Variants in RBM33 observed in about 807,000 individuals in gnomAD.
RBM33 encodes the protein RNA binding motif protein 33.
In RBM33, 28 loss-of-function variants were observed where a neutral mutation model predicts 132.6. That is an observed-to-expected ratio of 0.21 (90% confidence interval 0.16 to 0.29). The LOEUF is 0.29. Among genes scored for constraint, RBM33 ranks in the 10% least tolerant of loss-of-function variants. The probability of loss-of-function intolerance (pLI) is 1.00; values close to 1 mark genes in which losing one functional copy is unlikely to be tolerated. For synonymous variants in RBM33, 634 were observed against 593.0 expected (o/e 1.07, Z -1.01); for missense variants, 1,291 against 1,518.5 (o/e 0.85, Z 2.49).
At chr7:155,684,390 A>G (rs564232520) in intron 5 of RBM33, among the ~76,000 whole-genome samples, 4 of 152,166 alleles carry the variant, frequency 2.6e-5, no homozygotes, top group African/African-American at 9.6e-5. Context: ...TCTTCCATCT[A>G]CCCAGAAGAG....
chr7:155,761,014 C>CGTTA (rs1306373354), intron 14 of RBM33, among the ~76,000 whole-genome samples: 1 of 152,164 alleles, frequency 6.6e-6, no homozygotes, highest in African/African-American at 2.4e-5. Flanking sequence ...AGTCATAGAG[C>CGTTA]GTTAGGTGGG....
intron 14 of RBM33, chr7:155,746,473 A>G (rs1235478408): frequency 6.6e-6 from 1 of 152,086 alleles, no homozygotes; most frequent in Non-Finnish European, 1.5e-5. Context: ...CTTGCTTTTC[A>G]TCATTGTCCA....
intron 5 of RBM33, among the ~76,000 whole-genome samples, chr7:155,698,240 G>A (rs1259495645): frequency 7.2e-5 from 11 of 152,078 alleles, no homozygotes; most frequent in Admixed American, 5.2e-4. Context: ...GGTGGTGGAC[G>A]CCTGTGATCT....
At chr7:155,753,864 A>G (rs1418905608) in intron 14 of RBM33, among the ~76,000 whole-genome samples, 2 of 152,246 alleles carry the variant, frequency 1.3e-5, no homozygotes, top group South Asian at 2.1e-4. Context: ...AAAATGGCCA[A>G]CAGGCAAATA....
intron 8 of RBM33, among the ~76,000 whole-genome samples, chr7:155,717,918 G>C (rs962446691): frequency 6.6e-6 from 1 of 152,134 alleles, no homozygotes; most frequent in African/African-American, 2.4e-5. Flanking sequence ...CAATTCCTGG[G>C]ATGTGCTGTT....
intron 2 of RBM33, 99 bp from the exon 3 acceptor site, chr7:155,672,768 T>C: frequency 1.7e-6 from 1 of 593,570 alleles, no homozygotes. Flanking sequence ...AAAAAAAAGG[T>C]ACCTGAGCTG....
intron 9 of RBM33, among the ~76,000 whole-genome samples, chr7:155,726,912 T>G (rs965390574): frequency 7.2e-5 from 11 of 152,216 alleles, no homozygotes; most frequent in African/African-American, 2.7e-4. Flanking sequence ...TTTAGTTAAT[T>G]CACTTTTAAC....
At chr7:155,677,386 TTTTA>T (rs1799215388) in intron 3 of RBM33, among the ~76,000 whole-genome samples, 1 of 152,124 alleles carries the variant, frequency 6.6e-6, no homozygotes, top group Non-Finnish European at 1.5e-5. Flanking sequence ...TTTTTTGTAC[TTTTA>T]GTAGAGTCAG....
intron 9 of RBM33, among the ~76,000 whole-genome samples, chr7:155,727,200 A>G (rs1295071089): frequency 6.6e-6 from 1 of 152,194 alleles, no homozygotes; most frequent in African/African-American, 2.4e-5. Flanking sequence ...TCTGTATTCC[A>G]GGCCGAAAGG....
intron 16 of RBM33, among the ~76,000 whole-genome samples, chr7:155,770,990 C>T (rs943814853): frequency 1.3e-5 from 2 of 152,254 alleles, no homozygotes; most frequent in Non-Finnish European, 1.5e-5. Flanking sequence ...GTGAGATTTC[C>T]TCAGAAGTTG....
At chr7:155,711,588 G>A (rs923551546) in intron 8 of RBM33, 133 bp downstream of exon 8, 11 of 541,982 alleles carry the variant, frequency 2.0e-5, no homozygotes, top group Non-Finnish European at 3.0e-5. Flanking sequence ...AGAAATCATC[G>A]TTCGAATGTT....
intron 3 of RBM33, among the ~76,000 whole-genome samples, chr7:155,674,556 C>T (rs532132740): frequency 1.3e-5 from 2 of 152,280 alleles, no homozygotes; most frequent in African/African-American, 4.8e-5. Flanking sequence ...TTCCAGAAAG[C>T]TGTGATAATT....
In RBM33 at chr7:155,738,142, T is replaced by G. The variant is rs1275138582; in HGVS notation, c.1476T>G (p.Leu492=). 1.2e-6 allele frequency: 2 copies of G among 1,613,838 alleles called. No homozygotes were observed. The highest frequency in any genetic ancestry group is 1.3e-5 in the African/African-American group (1 of 74,902). ...CACCACCACCGCCTCCTACCCTTCT[T>G]AACAGTAGCCATCCTGTTCCTACTC... is the stretch of plus-strand genomic sequence containing the variant. ...PPPPPPPPTL[L]NSSHPVPTQS... Residue 492 remains leucine (L), a synonymous_variant, in exon 11 of 18, where the codon CTT becomes CTG. Coordinates refer to ENST00000401878, the MANE Select transcript of RBM33 (RefSeq NM_053043.3).
intron 8 of RBM33, among the ~76,000 whole-genome samples, chr7:155,714,057 A>G (rs1207401344): frequency 6.6e-6 from 1 of 152,104 alleles, no homozygotes; most frequent in African/African-American, 2.4e-5. Context: ...GCTTTGGAGC[A>G]TCCGTTCGTG....
chr7:155,764,690 A>C (rs1802154370), intron 15 of RBM33, among the ~76,000 whole-genome samples: 1 of 152,218 alleles, frequency 6.6e-6, no homozygotes, highest in Non-Finnish European at 1.5e-5. Context: ...TTGAGAGTGA[A>C]GTGCCCTCTT....
At chr7:155,732,307 C>T (rs970007076) in intron 9 of RBM33, among the ~76,000 whole-genome samples, 7 of 152,276 alleles carry the variant, frequency 4.6e-5, no homozygotes, top group Non-Finnish European at 8.8e-5. Flanking sequence ...TGCTGATTTC[C>T]GGCTGTTAAT....
At chr7:155,698,119 A>C (rs1166455242) in intron 5 of RBM33, among the ~76,000 whole-genome samples, 1 of 152,196 alleles carries the variant, frequency 6.6e-6, no homozygotes, top group African/African-American at 2.4e-5. Flanking sequence ...CTGTAATCCC[A>C]GCACTCTGGG....
rs1453096735 is a variant in RBM33 at position 155,744,994 on chromosome 7, C to T, written c.2371C>T (p.Arg791Cys). Residue 791 changes from arginine (R) to cysteine (C), a missense_variant, in exon 14 of 18, where the codon CGC becomes TGC. Arg to Cys is a radical substitution (Grantham distance 180). Around this residue, in one of 7 missense-constraint regions of RBM33, gnomAD observed 841 missense variants for 912.0 expected, o/e 0.92. Coordinates refer to ENST00000401878, the MANE Select transcript of RBM33 (RefSeq NM_053043.3). ...TGAAGATGAGGAAACAAGGTTATAT[C>T]GCTTAAAGATAGAAGAACAGAAACG... Reference protein sequence around the residue: ...PDEDEETRLYRLKIEEQKRLR... With the variant: ...PDEDEETRLYCLKIEEQKRLR... The T allele has an allele frequency of 3.8e-6, 6 of 1,592,176 alleles. No individual in the cohort carries two copies. The highest frequency in any genetic ancestry group is 2.2e-5 in the East Asian group (1 of 44,758).
chr7:155,740,876 A>G (rs796899682), intron 12 of RBM33, among the ~76,000 whole-genome samples: 1 of 152,160 alleles, frequency 6.6e-6, no homozygotes, highest in African/African-American at 2.4e-5. Flanking sequence ...CATTAAATAT[A>G]TATGAGACTT....
Sources: gnomAD v4.1 joint callset for allele counts (sites outside exome capture counted in the v4.1 genomes callset) on GRCh38, gnomAD v4.1.1 for gene constraint, gnomAD v4.1.1 regional missense constraint, MANE v1.5 for transcripts, NCBI Gene and HGNC (gene_info 2026-07-23, HGNC 2026-07-21) for gene names.